The following KLF12 variants were observed in gnomAD, a reference collection of about 807,000 sequenced individuals.
The protein encoded by KLF12 is KLF transcription factor 12.
A neutral mutation model predicts 37.8 loss-of-function variants in KLF12; 9 were observed. The ratio of observed to expected loss-of-function variants is 0.24; its 90% CI spans 0.14 to 0.42. KLF12 has a LOEUF of 0.42. KLF12 is among the 10% of genes least tolerant of loss of function. The pLI, the probability that KLF12 is intolerant of heterozygous loss-of-function variation, is 1.00. For synonymous variants in KLF12, 208 were observed against 202.1 expected (o/e 1.03, Z -0.25); for missense variants, 411 against 516.0 (o/e 0.80, Z 1.97).
chr13:74,134,599 C>A (rs1391229892), upstream of KLF12, among the ~76,000 whole-genome samples: 1 of 151,408 alleles, frequency 6.6e-6, no homozygotes, highest in Non-Finnish European at 1.5e-5. Flanking sequence ...CTTTCACCTG[C>A]ACCACTTTGC....
rs924350664 is a variant in KLF12 at position 73,723,650 on chromosome 13, T to C, written c.870-8125A>G. On this transcript the variant is annotated intron_variant, in intron 6 of 7. Coordinates refer to ENST00000377669, the MANE Select transcript of KLF12 (RefSeq NM_007249.5). Reference sequence around the variant, plus strand: ...CACTTTATCTTATCCATGTGGCTCTTGAACACATCTGATTTGGGGACTCTC... The same window carrying C: ...CACTTTATCTTATCCATGTGGCTCTCGAACACATCTGATTTGGGGACTCTC... Among the ~76,000 whole-genome samples, 5 of 152,202 alleles carry C rather than the reference T, an allele frequency of 3.3e-5. No individual in the cohort carries two copies. The East Asian group carries it at 7.7e-4, about 23-fold the overall frequency.
intron 1 of KLF12, among the ~76,000 whole-genome samples, chr13:74,064,668 T>C (rs1452468643): frequency 6.6e-6 from 1 of 152,192 alleles, no homozygotes; most frequent in African/African-American, 2.4e-5. Context: ...GAAAGGTCAA[T>C]TATAAATGTC....
the KLF12 span, among the ~76,000 whole-genome samples, chr13:74,305,136 GATAATTGTTT>G: frequency 1.3e-5 from 2 of 151,958 alleles, no homozygotes; most frequent in Non-Finnish European, 2.9e-5. Context: ...GAATTATCTG[GATAATTGTTT>G]TCTGTACTTC....
At chr13:74,098,858 G>GTTTATATTT (rs1236088407) in intron 1 of KLF12, among the ~76,000 whole-genome samples, 1 of 152,048 alleles carries the variant, frequency 6.6e-6, no homozygotes, top group Non-Finnish European at 1.5e-5. Context: ...ATATAAACAG[G>GTTTATATTT]TTTATATTTT....
the KLF12 span, among the ~76,000 whole-genome samples, chr13:74,260,465 G>C: frequency 3.3e-5 from 5 of 151,534 alleles, no homozygotes; most frequent in South Asian, 1.0e-3. Context: ...GAGGTGGGAG[G>C]ATCGCCTGAG....
chr13:74,095,966 C>T (rs946647310), intron 1 of KLF12, among the ~76,000 whole-genome samples: 6 of 152,090 alleles, frequency 3.9e-5, no homozygotes, highest in Admixed American at 6.5e-5. Context: ...TTTGTAGAAT[C>T]GTCTGACAGA....
intron 1 of KLF12, among the ~76,000 whole-genome samples, chr13:74,050,746 C>T (rs1311849504): frequency 2.0e-5 from 3 of 152,116 alleles, no homozygotes; most frequent in Non-Finnish European, 4.4e-5. Flanking sequence ...TAAAAAGCTA[C>T]ACCACAAAGG....
chr13:73,732,045 T>C (rs1443278361), intron 6 of KLF12, among the ~76,000 whole-genome samples: 2 of 151,844 alleles, frequency 1.3e-5, no homozygotes, highest in Admixed American at 6.6e-5. Flanking sequence ...CTGCAGTAAC[T>C]GCTGTTTCAC....
intron 3 of KLF12, among the ~76,000 whole-genome samples, chr13:73,849,402 C>CAAAAAAAAAAAAAAA (rs1885205941): frequency 7.8e-6 from 1 of 128,730 alleles, no homozygotes; most frequent in African/African-American, 3.3e-5. Context: ...AAAAAAAAAG[C>CAAAAAAAAAAAAAAA]ATTGGTTCTG....
At chr13:73,990,865 TA>T (rs544575631) in intron 2 of KLF12, among the ~76,000 whole-genome samples, 1 of 152,170 alleles carries the variant, frequency 6.6e-6, no homozygotes, top group African/African-American at 2.4e-5. Flanking sequence ...ATCTTATTTT[TA>T]AAAAACCGTT....
chr13:73,984,093 C>A (rs1165419967), intron 2 of KLF12, among the ~76,000 whole-genome samples: 2 of 152,146 alleles, frequency 1.3e-5, no homozygotes, highest in African/African-American at 2.4e-5. Context: ...ATAAGATCCT[C>A]GGGTGGGGAG....
chr13:74,169,022 T>C, the KLF12 span, among the ~76,000 whole-genome samples: 5 of 152,210 alleles, frequency 3.3e-5, no homozygotes, highest in African/African-American at 1.2e-4. Context: ...ATGATTTAGT[T>C]ACCTTTTGGT....
chr13:73,960,995 T>C (rs970818860), intron 2 of KLF12, among the ~76,000 whole-genome samples: 1 of 152,144 alleles, frequency 6.6e-6, no homozygotes, highest in African/African-American at 2.4e-5. Context: ...GAGTGTACTT[T>C]TAAAGATCTT....
chr13:74,124,337 C>G (rs1441561405), intron 1 of KLF12, among the ~76,000 whole-genome samples: 1 of 152,236 alleles, frequency 6.6e-6, no homozygotes, highest in Admixed American at 6.5e-5. Flanking sequence ...TTCTGATAAA[C>G]TGCAACTATG....
intron 2 of KLF12, among the ~76,000 whole-genome samples, chr13:73,965,482 G>A (rs560509410): frequency 6.6e-6 from 1 of 152,180 alleles, no homozygotes; most frequent in Middle Eastern, 3.4e-3. Context: ...ACAGTGATAG[G>A]ATGTGTAGGC....
At chr13:73,927,507 G>A (rs1339630032) in intron 3 of KLF12, among the ~76,000 whole-genome samples, 1 of 152,096 alleles carries the variant, frequency 6.6e-6, no homozygotes, top group African/African-American at 2.4e-5. Flanking sequence ...ACTAACAAGA[G>A]TCAGCTCTGT....
At chr13:73,819,536 T>C (rs1034685675) in intron 4 of KLF12, among the ~76,000 whole-genome samples, 6 of 151,676 alleles carry the variant, frequency 4.0e-5, no homozygotes, top group African/African-American at 1.2e-4. Flanking sequence ...TCAACAGATA[T>C]TTATTGAACA....
chr13:74,304,131 G>C, the KLF12 span, among the ~76,000 whole-genome samples: 2 of 152,136 alleles, frequency 1.3e-5, no homozygotes, highest in African/African-American at 4.8e-5. Flanking sequence ...AGCCTAGTGA[G>C]TACACTGGCT....
At chr13:74,004,671 CTCAGATGCTTT>C (rs924953774) in intron 1 of KLF12, among the ~76,000 whole-genome samples, 1 of 152,098 alleles carries the variant, frequency 6.6e-6, no homozygotes, top group African/African-American at 2.4e-5. Flanking sequence ...ATGACATAAA[CTCAGATGCTTT>C]TCCAATGAAG....
Sources: gnomAD v4.1 joint callset for allele counts (sites outside exome capture counted in the v4.1 genomes callset) on GRCh38, gnomAD v4.1.1 for gene constraint, MANE v1.5 for transcripts, NCBI Gene and HGNC (gene_info 2026-07-23, HGNC 2026-07-21) for gene names.